Variants in ADAMTSL1 observed in about 807,000 individuals in gnomAD.
ADAMTSL1 encodes ADAMTS-like protein 1.
Under a neutral mutation model 201.8 loss-of-function variants are expected in ADAMTSL1, and 126 were observed. The observed-to-expected ratio is 0.62, with a 90% CI of 0.54 to 0.72. ADAMTSL1 has a LOEUF of 0.72. Among genes scored for constraint, ADAMTSL1 ranks in the 30% least tolerant of loss-of-function variants. The pLI is 0.00. For synonymous variants in ADAMTSL1, 1,121 were observed against 903.4 expected, an observed-to-expected ratio of 1.24 and a Z score of -4.32; for missense variants, 2,679 against 2,277.8, an observed-to-expected ratio of 1.18 and a Z score of -3.59.
chr9:18,721,418 T>A, intron 14 of ADAMTSL1, 118 bp from the exon 15 acceptor site: 1 of 1,400,142 alleles, frequency 7.1e-7, no homozygotes, highest in Middle Eastern at 2.6e-4. Flanking sequence ...ATCTCTGACA[T>A]ACAGCGAGAG....
intron 4 of ADAMTSL1, among the ~76,000 whole-genome samples, chr9:18,605,925 C>T (rs1824982577): frequency 6.6e-6 from 1 of 152,132 alleles, no homozygotes; most frequent in South Asian, 2.1e-4. Flanking sequence ...CTTGTGTGAA[C>T]TGTGTGTTCA....
intron 1 of ADAMTSL1, among the ~76,000 whole-genome samples, chr9:18,084,521 CA>C (rs112911506): frequency 8.8e-5 from 12 of 136,190 alleles, no homozygotes; most frequent in African/African-American, 8.0e-5. Flanking sequence ...GACTCCATCT[CA>C]AAAAAAAAAG....
At chr9:18,347,170 G>T (rs560633243) in intron 2 of ADAMTSL1, among the ~76,000 whole-genome samples, 1 of 152,102 alleles carries the variant, frequency 6.6e-6, no homozygotes. Flanking sequence ...GGCAATAAAT[G>T]ATATTGCTTT....
intron 3 of ADAMTSL1, among the ~76,000 whole-genome samples, chr9:18,535,953 T>C (rs1361534): frequency 0.59 from 90,079 of 151,864 alleles, 26,950 homozygotes; most frequent in East Asian, 0.79. Flanking sequence ...CACAGCCAAA[T>C]CATATCAGAC....
Position 18,899,092 on chromosome 9 carries a change from A to C in ADAMTSL1, c.4851+6496A>C, listed in dbSNP as rs542728614. ...GTTTCTTAAGCTGATAAGCAACTTCAGCAAAGTCCCAGGATACAAAATTAA... is the reference window on the plus strand; with the variant it reads ...GTTTCTTAAGCTGATAAGCAACTTCCGCAAAGTCCCAGGATACAAAATTAA... On this transcript the variant is annotated intron_variant, in intron 26 of 28. Transcript: ENST00000380548. 1.7e-4 allele frequency among the ~76,000 whole-genome samples: 26 copies of C among 152,374 alleles called. No homozygotes were observed. In the South Asian group the frequency reaches 1.9e-3, roughly 11 times the overall value.
At chr9:18,901,862 T>C (rs1830035812) in intron 26 of ADAMTSL1, among the ~76,000 whole-genome samples, 1 of 152,140 alleles carries the variant, frequency 6.6e-6, no homozygotes, top group Non-Finnish European at 1.5e-5. Flanking sequence ...ATTGGCCTAG[T>C]AGATGTTAAA....
At chr9:18,033,854 C>G (rs1208624962) in intron 1 of ADAMTSL1, among the ~76,000 whole-genome samples, 1 of 152,194 alleles carries the variant, frequency 6.6e-6, no homozygotes, top group Non-Finnish European at 1.5e-5. Flanking sequence ...CTCCACATAA[C>G]CCAACATAGT....
chr9:18,672,346 T>C (rs1829874877), intron 9 of ADAMTSL1, among the ~76,000 whole-genome samples: 1 of 152,224 alleles, frequency 6.6e-6, no homozygotes, highest in Non-Finnish European at 1.5e-5. Context: ...TTCTTAGATT[T>C]GAATTTTTTC....
intron 26 of ADAMTSL1, among the ~76,000 whole-genome samples, chr9:18,893,864 T>G (rs945476059): frequency 2.0e-5 from 3 of 152,240 alleles, no homozygotes; most frequent in African/African-American, 7.2e-5. Context: ...CTGATTTTAG[T>G]CCAAGTAAAA....
At chr9:18,505,331 A>G (rs1336253248) in intron 2 of ADAMTSL1, among the ~76,000 whole-genome samples, 1 of 152,174 alleles carries the variant, frequency 6.6e-6, no homozygotes, top group African/African-American at 2.4e-5. Flanking sequence ...TATTGAGTTT[A>G]TGCTGGATTT....
rs536763400 is a variant in ADAMTSL1 at position 18,236,233 on chromosome 9, A to G, written c.207+72252A>G. On this transcript the variant is annotated intron_variant, in intron 2 of 29. Transcript: ENST00000680146. ...TTACAGGCACCCACCACCACGCCCG[A>G]CTAATTTTTTGTATTTTTACTAGAG... Among the ~76,000 whole-genome samples, 17 of 151,898 alleles carry G rather than the reference A, an allele frequency of 1.1e-4. No individual in the cohort carries two copies. The South Asian group carries it at 3.3e-3, about 30-fold the overall frequency.
chr9:18,204,974 A>G (rs1219762157), intron 2 of ADAMTSL1, among the ~76,000 whole-genome samples: 1 of 152,144 alleles, frequency 6.6e-6, no homozygotes, highest in Non-Finnish European at 1.5e-5. Flanking sequence ...CAACAGACAA[A>G]ATGCCACCAG....
chr9:18,589,513 T>C (rs1314162077), intron 4 of ADAMTSL1, among the ~76,000 whole-genome samples: 2 of 152,216 alleles, frequency 1.3e-5, no homozygotes, highest in Admixed American at 6.5e-5. Context: ...GATTATGTCA[T>C]CTGCAAACAA....
chr9:18,127,708 C>T (rs1055189944), intron 1 of ADAMTSL1, among the ~76,000 whole-genome samples: 4 of 151,970 alleles, frequency 2.6e-5, no homozygotes, highest in African/African-American at 4.8e-5. Context: ...AGGTTAGTGA[C>T]CTTGGGAATG....
At chr9:18,369,834 G>A (rs1191707096) in intron 2 of ADAMTSL1, among the ~76,000 whole-genome samples, 1 of 152,170 alleles carries the variant, frequency 6.6e-6, no homozygotes, top group Non-Finnish European at 1.5e-5. Context: ...GAATGAAACT[G>A]TCTTTTGCAG....
intron 2 of ADAMTSL1, among the ~76,000 whole-genome samples, chr9:18,241,208 C>A (rs76422807): frequency 5.5e-4 from 83 of 152,232 alleles, no homozygotes; most frequent in African/African-American, 2.0e-3. Flanking sequence ...AGGTACATTT[C>A]TAGGTTTTGA....
chr9:18,288,882 T>C (rs1470795814), intron 2 of ADAMTSL1, among the ~76,000 whole-genome samples: 1 of 152,236 alleles, frequency 6.6e-6, no homozygotes, highest in Non-Finnish European at 1.5e-5. Context: ...TAGTTCACTA[T>C]AGAAGACAGT....
At chr9:18,406,456 G>A (rs540437387) in intron 2 of ADAMTSL1, among the ~76,000 whole-genome samples, 13 of 152,004 alleles carry the variant, frequency 8.6e-5, no homozygotes, top group East Asian at 1.9e-4. Flanking sequence ...AGCCTCCCAC[G>A]TAGCTGGGAT....
chr9:18,778,421 T>C (rs1821191816), intron 19 of ADAMTSL1, among the ~76,000 whole-genome samples: 1 of 152,240 alleles, frequency 6.6e-6, no homozygotes, highest in Admixed American at 6.5e-5. Context: ...AAAGCTTTTA[T>C]TCCCAGTGGG....
Sources: allele counts gnomAD v4.1 joint callset (sites outside exome capture counted in the v4.1 genomes callset), GRCh38; gene constraint gnomAD v4.1.1; transcripts MANE v1.5; gene names NCBI Gene and HGNC (gene_info 2026-07-23, HGNC 2026-07-21).